The following CSMD1 variants were observed in gnomAD, a reference collection of about 807,000 sequenced individuals.
CSMD1 encodes the protein CUB and Sushi multiple domains 1.
CSMD1 carries 213 observed loss-of-function variants against 417.5 expected under a neutral mutation model. The observed-to-expected ratio is 0.51, with a 90% confidence interval of 0.46 to 0.57. CSMD1 has a LOEUF of 0.57. Ranked by LOEUF, CSMD1 falls within the 20% of genes least tolerant of loss-of-function variation. CSMD1 has a pLI of 0.00. For missense variants in CSMD1, 6,923 were observed against 4,529.7 expected (o/e 1.53, Z -15.17); for synonymous variants, 2,862 against 1,736.8 (o/e 1.65, Z -16.11).
chr8:4,051,384 C>G (rs1374862315), intron 3 of CSMD1, among the ~76,000 whole-genome samples: 1 of 151,904 alleles, frequency 6.6e-6, no homozygotes, highest in Non-Finnish European at 1.5e-5. Context: ...TCCCGGAGGG[C>G]TGATCCAACC....
At chr8:3,468,679 C>T (rs745565006) in intron 12 of CSMD1, 33 bp downstream of exon 12, 6 of 1,416,570 alleles carry the variant, frequency 4.2e-6, no homozygotes, top group South Asian at 3.7e-5. Flanking sequence ...GGAATGCTAA[C>T]TTCCAACCCT....
At chr8:3,617,940 T>G (rs997177435) in intron 7 of CSMD1, among the ~76,000 whole-genome samples, 43 of 152,320 alleles carry the variant, frequency 2.8e-4, no homozygotes, top group African/African-American at 9.4e-4. Context: ...TGGGTATATG[T>G]GGAACTCGTG....
Position 4,792,993 on chromosome 8 carries a change from T to C in CSMD1, c.86-155435A>G, listed in dbSNP as rs924363879. Among the ~76,000 whole-genome samples, 2 of 151,548 alleles carry C rather than the reference T, an allele frequency of 1.3e-5. 1 individual carries two copies. The highest frequency in any genetic ancestry group is 2.9e-5 in the Non-Finnish European group (2 of 67,964). The stretch of plus-strand genomic sequence containing the variant: ...TATATATGTGTATGCAATATATATA[T>C]ATATATATATATATCTCCACACACA... On this transcript the variant is annotated intron_variant, in intron 1 of 69. Coordinates refer to ENST00000635120, the MANE Select transcript of CSMD1 (RefSeq NM_033225.6).
chr8:4,232,439 T>C (rs527644330), intron 3 of CSMD1, among the ~76,000 whole-genome samples: 2 of 152,172 alleles, frequency 1.3e-5, no homozygotes, highest in South Asian at 4.1e-4. Context: ...CCTCAGGTGA[T>C]CTGCCCACCT....
chr8:4,017,072 C>T (rs1370638810), intron 4 of CSMD1, among the ~76,000 whole-genome samples: 1 of 152,206 alleles, frequency 6.6e-6, no homozygotes, highest in East Asian at 1.9e-4. Context: ...GGAGGCAAGA[C>T]TTCAGAATGT....
chr8:4,399,999 T>A (rs979360273), intron 3 of CSMD1, among the ~76,000 whole-genome samples: 2 of 152,150 alleles, frequency 1.3e-5, no homozygotes, highest in Non-Finnish European at 2.9e-5. Flanking sequence ...TCTTTCCAAG[T>A]GAATTCCCAC....
At chr8:4,214,683 G>C (rs1800528418) in intron 3 of CSMD1, among the ~76,000 whole-genome samples, 1 of 152,064 alleles carries the variant, frequency 6.6e-6, no homozygotes, top group Non-Finnish European at 1.5e-5. Flanking sequence ...AGTGTGTTTG[G>C]TGTGTGTGTA....
intron 1 of CSMD1, chr8:4,787,262 G>C (rs977675328): frequency 5.2e-6 from 3 of 582,136 alleles, no homozygotes; most frequent in African/African-American, 3.8e-5. Flanking sequence ...GATGCTCTCT[G>C]ATCACCCCTC....
At chr8:4,132,427 CTA>C (rs1803167330) in intron 3 of CSMD1, among the ~76,000 whole-genome samples, 1 of 151,990 alleles carries the variant, frequency 6.6e-6, no homozygotes, top group South Asian at 2.1e-4. Context: ...CCCATAGAAA[CTA>C]TTTTTATTTA....
At chr8:3,417,602 A>C (rs1813235830) in intron 12 of CSMD1, among the ~76,000 whole-genome samples, 1 of 152,180 alleles carries the variant, frequency 6.6e-6, no homozygotes, top group African/African-American at 2.4e-5. Context: ...GGGAAGTGTT[A>C]ATGAACAGAT....
At chr8:3,486,684 G>T (rs533059067) in intron 11 of CSMD1, among the ~76,000 whole-genome samples, 2 of 152,210 alleles carry the variant, frequency 1.3e-5, no homozygotes, top group Non-Finnish European at 2.9e-5. Flanking sequence ...CTCGGGCTCC[G>T]ATTCCTGTGG....
intron 5 of CSMD1, among the ~76,000 whole-genome samples, chr8:3,832,010 TA>T (rs1802405837): frequency 6.6e-6 from 1 of 152,204 alleles, no homozygotes; most frequent in Non-Finnish European, 1.5e-5. Flanking sequence ...GGTAAATTTT[TA>T]AAAATCTCTG....
At chr8:4,961,165 C>T (rs1456386566) in intron 1 of CSMD1, among the ~76,000 whole-genome samples, 2 of 152,070 alleles carry the variant, frequency 1.3e-5, no homozygotes, top group Non-Finnish European at 2.9e-5. Flanking sequence ...TTTTGTTTTC[C>T]TGTAATTGAT....
intron 7 of CSMD1, among the ~76,000 whole-genome samples, chr8:3,658,750 T>A (rs184116523): frequency 1.3e-3 from 197 of 152,204 alleles, no homozygotes; most frequent in African/African-American, 4.5e-3. Context: ...GCCACTGAAC[T>A]TCAGCCTGGG....
intron 1 of CSMD1, among the ~76,000 whole-genome samples, chr8:4,651,855 G>C (rs1394025975): frequency 1.3e-5 from 2 of 152,158 alleles, no homozygotes; most frequent in African/African-American, 4.8e-5. Context: ...AAGGACTCCT[G>C]TCTTATAAAG....
intron 2 of CSMD1, among the ~76,000 whole-genome samples, chr8:4,565,670 G>T (rs953028583): frequency 3.3e-5 from 5 of 150,588 alleles, no homozygotes; most frequent in Admixed American, 6.6e-5. Context: ...AGGAGGCAGA[G>T]GTTGCAGTGA....
chr8:3,343,658 G>C (rs1226566200), intron 22 of CSMD1, among the ~76,000 whole-genome samples: 1 of 152,152 alleles, frequency 6.6e-6, no homozygotes, highest in Non-Finnish European at 1.5e-5. Flanking sequence ...GGAGGCAAAA[G>C]ATTCCATTCT....
chr8:3,883,348 C>A (rs1002818193), intron 5 of CSMD1, among the ~76,000 whole-genome samples: 5 of 152,056 alleles, frequency 3.3e-5, no homozygotes, highest in Admixed American at 2.0e-4. Flanking sequence ...CTAAAAAAGT[C>A]AATTAACATG....
intron 5 of CSMD1, among the ~76,000 whole-genome samples, chr8:3,904,960 T>G (rs946801764): frequency 2.0e-5 from 3 of 152,094 alleles, no homozygotes; most frequent in African/African-American, 7.2e-5. Context: ...TTTCCTTATC[T>G]GACATTTAAG....
Sources: gnomAD v4.1 joint callset for allele counts (sites outside exome capture counted in the v4.1 genomes callset) on GRCh38, gnomAD v4.1.1 for gene constraint, MANE v1.5 for transcripts, NCBI Gene and HGNC (gene_info 2026-07-23, HGNC 2026-07-21) for gene names.